NEMP2: variants seen among roughly 807,000 people sequenced by gnomAD.
NEMP2 encodes nuclear envelope integral membrane protein 2.
In NEMP2, 53 loss-of-function variants were observed where a neutral mutation model predicts 54.2. The ratio of observed to expected loss-of-function variants is 0.98; its 90% CI spans 0.78 to 1.23. The LOEUF is 1.23. Among genes scored for constraint, NEMP2 ranks in the 50% most tolerant of loss-of-function variants. The pLI is 0.00. For missense variants in NEMP2, 455 were observed against 511.3 expected (o/e 0.89, Z 1.06); for synonymous variants, 197 against 190.3 (o/e 1.04, Z -0.29).
the NEMP2 span, among the ~76,000 whole-genome samples, chr2:190,566,163 A>G: frequency 6.6e-6 from 1 of 152,206 alleles, no homozygotes; most frequent in Non-Finnish European, 1.5e-5. Flanking sequence ...TGGATATATA[A>G]TGGTCCATCA....
At chr2:190,615,203 TGC>T in the NEMP2 span, among the ~76,000 whole-genome samples, 1 of 152,178 alleles carries the variant, frequency 6.6e-6, no homozygotes, top group Non-Finnish European at 1.5e-5. The surrounding 1 kb of genome is among the most constrained non-coding windows in gnomAD (Gnocchi z 4.7). Flanking sequence ...CAAATTCAGA[TGC>T]CAATCACAAG....
chr2:190,452,432 C>G, the NEMP2 span, among the ~76,000 whole-genome samples: 3 of 152,102 alleles, frequency 2.0e-5, no homozygotes, highest in Non-Finnish European at 4.4e-5. Context: ...CCTATTTAAT[C>G]TTTTTAACAG....
the NEMP2 span, among the ~76,000 whole-genome samples, chr2:190,576,279 T>G: frequency 6.6e-6 from 1 of 152,320 alleles, no homozygotes; most frequent in East Asian, 1.9e-4. Flanking sequence ...CCTGCATTAC[T>G]TTTTGTAATG....
At chr2:190,543,617 C>A in the NEMP2 span, among the ~76,000 whole-genome samples, 1 of 152,124 alleles carries the variant, frequency 6.6e-6, no homozygotes, top group Admixed American at 6.5e-5. The surrounding 1 kb of genome is among the most constrained non-coding windows in gnomAD (Gnocchi z 4.7). Flanking sequence ...TTTTTCACTT[C>A]TCTGTGGCTT....
the NEMP2 span, among the ~76,000 whole-genome samples, chr2:190,541,180 G>A: frequency 4.7e-5 from 7 of 149,458 alleles, no homozygotes; most frequent in Non-Finnish European, 4.5e-5. This position sits in a 1 kb window ranked among gnomAD's most constrained non-coding sequence, Gnocchi z 5.2. Context: ...ATATATATGT[G>A]TATATATATA....
At chr2:190,524,343 A>G (rs905288997) in intron 2 of NEMP2, among the ~76,000 whole-genome samples, 16 of 152,238 alleles carry the variant, frequency 1.1e-4, no homozygotes, top group Admixed American at 9.2e-4. Flanking sequence ...GAGGTTATCT[A>G]CACAGTCTCA....
the NEMP2 span, among the ~76,000 whole-genome samples, chr2:190,434,070 C>T: frequency 2.8e-4 from 43 of 151,692 alleles, no homozygotes; most frequent in African/African-American, 9.7e-4. This position sits in a 1 kb window ranked among gnomAD's most constrained non-coding sequence, Gnocchi z 4.3. Flanking sequence ...GTAGTCCTAG[C>T]TACTTAGGAG....
the NEMP2 span, among the ~76,000 whole-genome samples, chr2:190,476,541 A>T: frequency 1.3e-5 from 2 of 152,220 alleles, no homozygotes; most frequent in African/African-American, 4.8e-5. Flanking sequence ...AATCATTAAA[A>T]AGTCAGGGAA....
chr2:190,585,477 G>A, the NEMP2 span, among the ~76,000 whole-genome samples: 1 of 152,106 alleles, frequency 6.6e-6, no homozygotes, highest in African/African-American at 2.4e-5. The surrounding 1 kb of genome is among the most constrained non-coding windows in gnomAD (Gnocchi z 5.3). Flanking sequence ...TCCCTCTTTC[G>A]GACAGATACA....
the NEMP2 span, among the ~76,000 whole-genome samples, chr2:190,437,769 AAAG>A: frequency 6.6e-6 from 1 of 152,222 alleles, no homozygotes; most frequent in Admixed American, 6.5e-5. The surrounding 1 kb of genome is among the most constrained non-coding windows in gnomAD (Gnocchi z 5.9). Context: ...TCAAATAAAC[AAAG>A]AATGGCTTCC....
chr2:190,607,895 C>T, the NEMP2 span: 2 of 152,260 alleles, frequency 1.3e-5, no homozygotes, highest in Non-Finnish European at 2.9e-5. The surrounding 1 kb of genome is among the most constrained non-coding windows in gnomAD (Gnocchi z 5.2). Flanking sequence ...GGTGGGCTTC[C>T]CTGGAAACAG....
Position 190,518,994 on chromosome 2 carries a change from C to T in NEMP2, c.403G>A (p.Val135Ile). 1.3e-6 allele frequency: 2 copies of T among 1,551,366 alleles called. No homozygotes were observed. Among genetic ancestry groups the T allele is most frequent in the South Asian group, 2.4e-5 (2 of 84,050 alleles). ...ATCATATAGTTAAATATCTTCTTGACAGGCTCCACAGAGAAGCACACAGTC... is the reference window on the plus strand; with the variant it reads ...ATCATATAGTTAAATATCTTCTTGATAGGCTCCACAGAGAAGCACACAGTC... ...RETVCFSVEP[V>I]KKIFNYMIHV... is the part of the protein sequence containing the mutation. The change falls in exon 3 of 9, where the codon GTC becomes ATC. Residue 135 changes from valine (V) to isoleucine (I), a missense_variant. Val to Ile is a conservative substitution (Grantham distance 29, BLOSUM62 3). This residue lies in a region of NEMP2 where 61 missense variants were observed against 97.5 expected (regional missense o/e 0.63). Transcript: ENST00000409150.
the NEMP2 span, among the ~76,000 whole-genome samples, chr2:190,470,896 A>C: frequency 6.7e-6 from 1 of 149,184 alleles, no homozygotes; most frequent in Non-Finnish European, 1.5e-5. Flanking sequence ...ATAATTATAA[A>C]ATTCAAGTAT....
chr2:190,484,733 C>T, the NEMP2 span, among the ~76,000 whole-genome samples: 7 of 152,226 alleles, frequency 4.6e-5, no homozygotes, highest in East Asian at 7.7e-4. Flanking sequence ...TCCCTTCTTA[C>T]GGATTGCTAC....
the NEMP2 span, among the ~76,000 whole-genome samples, chr2:190,600,787 T>C: frequency 6.6e-6 from 1 of 152,134 alleles, no homozygotes; most frequent in African/African-American, 2.4e-5. This position sits in a 1 kb window ranked among gnomAD's most constrained non-coding sequence, Gnocchi z 4.9. Flanking sequence ...CTTTTCTTTA[T>C]AAATTACCTC....
the NEMP2 span, among the ~76,000 whole-genome samples, chr2:190,427,682 G>A: frequency 6.6e-6 from 1 of 151,802 alleles, no homozygotes; most frequent in African/African-American, 2.4e-5. Context: ...AGAAGTGATA[G>A]AGAAAATTGT....
chr2:190,599,844 G>A, the NEMP2 span, among the ~76,000 whole-genome samples: 2 of 152,168 alleles, frequency 1.3e-5, no homozygotes, highest in East Asian at 1.9e-4. Context: ...CAAACTCACC[G>A]ACCTTGCAGT....
chr2:190,440,200 A>G, the NEMP2 span, among the ~76,000 whole-genome samples: 1 of 152,212 alleles, frequency 6.6e-6, no homozygotes, highest in Admixed American at 6.5e-5. Flanking sequence ...AATAAGAAAG[A>G]TTCATACCAG....
the NEMP2 span, among the ~76,000 whole-genome samples, chr2:190,473,948 C>A: frequency 6.6e-6 from 1 of 152,174 alleles, no homozygotes; most frequent in South Asian, 2.1e-4. Flanking sequence ...AACTGAACAA[C>A]CTACTCCTGA....
Sources: gnomAD v4.1 joint callset for allele counts (sites outside exome capture counted in the v4.1 genomes callset) on GRCh38, gnomAD v4.1.1 for gene constraint, gnomAD v4.1.1 regional missense constraint, Gnocchi (gnomAD v3.1) non-coding constraint, MANE v1.5 for transcripts, NCBI Gene and HGNC (gene_info 2026-07-23, HGNC 2026-07-21) for gene names.